The following RABGAP1L variants were observed in gnomAD, a reference collection of about 807,000 sequenced individuals.
The protein encoded by RABGAP1L is rab GTPase-activating protein 1-like.
A neutral mutation model predicts 137.7 loss-of-function variants in RABGAP1L; 63 were observed. The ratio of observed to expected loss-of-function variants is 0.46; its 90% CI spans 0.37 to 0.56. RABGAP1L has a LOEUF of 0.56. RABGAP1L is among the 20% of genes least tolerant of loss of function. RABGAP1L has a pLI of 0.00. For missense variants in RABGAP1L, 1,095 were observed against 1,244.0 expected, an observed-to-expected ratio of 0.88 and a Z score of 1.80; for synonymous variants, 431 against 433.7, an observed-to-expected ratio of 0.99 and a Z score of 0.08.
At chr1:174,371,463 G>A (rs1237162703) in intron 12 of RABGAP1L, among the ~76,000 whole-genome samples, 1 of 151,972 alleles carries the variant, frequency 6.6e-6, no homozygotes, top group Non-Finnish European at 1.5e-5. Context: ...AAAATGGGCT[G>A]TATAGTTTAG....
intron 19 of RABGAP1L, among the ~76,000 whole-genome samples, chr1:174,843,385 A>C (rs1479112805): frequency 3.4e-4 from 46 of 134,486 alleles, no homozygotes; most frequent in Admixed American, 6.2e-4. Context: ...CTCTCCCCCC[A>C]CCCCACAACA....
chr1:174,839,701 T>A (rs1422651603), intron 19 of RABGAP1L, among the ~76,000 whole-genome samples: 1 of 152,206 alleles, frequency 6.6e-6, no homozygotes, highest in Non-Finnish European at 1.5e-5. Flanking sequence ...AGATTTTGAG[T>A]TCCTGAAGCA....
chr1:174,300,983 A>T (rs975640765), intron 10 of RABGAP1L, among the ~76,000 whole-genome samples: 1 of 152,156 alleles, frequency 6.6e-6, no homozygotes, highest in Non-Finnish European at 1.5e-5. Context: ...CTGGTTGGTA[A>T]CACCCCTGTC....
intron 14 of RABGAP1L, among the ~76,000 whole-genome samples, chr1:174,657,532 A>C (rs11808301): frequency 1.2e-4 from 18 of 152,242 alleles, no homozygotes; most frequent in African/African-American, 4.3e-4. Context: ...TTTATTTAAC[A>C]TAATGTCCTC....
intron 13 of RABGAP1L, among the ~76,000 whole-genome samples, chr1:174,517,284 G>A (rs1481923041): frequency 2.0e-5 from 3 of 152,110 alleles, no homozygotes; most frequent in African/African-American, 7.2e-5. Context: ...GTTTTGTAGG[G>A]AGAAATTTAA....
In RABGAP1L at chr1:174,250,243, G is replaced by A. The variant is rs1339599587; in HGVS notation, c.718-232G>A. 2.0e-5 allele frequency among the ~76,000 whole-genome samples: 3 copies of A among 151,902 alleles called. No homozygotes were observed. The East Asian group carries it at 5.8e-4, about 29-fold the overall frequency. On this transcript the variant is annotated intron_variant, in intron 5 of 25. Transcript: ENST00000681986. ...GTTGTAATAATTTAGAGTTTGGATG[G>A]TCTACATTTACCATCTACAGTTGTT...
chr1:174,482,918 T>C (rs570287917), intron 13 of RABGAP1L, among the ~76,000 whole-genome samples: 3 of 152,180 alleles, frequency 2.0e-5, no homozygotes, highest in African/African-American at 7.2e-5. Flanking sequence ...AATGAAAAAA[T>C]AGAATTGATA....
At chr1:174,193,257 C>T (rs958733227) in intron 1 of RABGAP1L, among the ~76,000 whole-genome samples, 2 of 152,166 alleles carry the variant, frequency 1.3e-5, no homozygotes, top group Non-Finnish European at 2.9e-5. Flanking sequence ...CTTGGCTGAG[C>T]GCGGTGGCTC....
intron 11 of RABGAP1L, among the ~76,000 whole-genome samples, chr1:174,331,672 T>C (rs1681044370): frequency 6.6e-6 from 1 of 152,060 alleles, no homozygotes; most frequent in East Asian, 1.9e-4. Context: ...CTCTTTTTTT[T>C]CTTTTTATTT....
chr1:174,888,893 G>A (rs1655630051), intron 19 of RABGAP1L, among the ~76,000 whole-genome samples: 1 of 152,138 alleles, frequency 6.6e-6, no homozygotes, highest in African/African-American at 2.4e-5. Context: ...ATTGGGGGAA[G>A]ATGAAATCCC....
At chr1:174,688,719 A>G (rs1243753070) in intron 15 of RABGAP1L, among the ~76,000 whole-genome samples, 1 of 152,170 alleles carries the variant, frequency 6.6e-6, no homozygotes. Context: ...TGGCTAAATT[A>G]TGATATTCTT....
intron 16 of RABGAP1L, 45 bp from the exon 17 acceptor site, chr1:174,702,068 C>A: frequency 6.3e-7 from 1 of 1,576,212 alleles, no homozygotes; most frequent in East Asian, 2.3e-5. Flanking sequence ...CATTGTTCTG[C>A]TGCAAGCTTC....
chr1:174,201,260 A>ATT (rs746379130), intron 1 of RABGAP1L, among the ~76,000 whole-genome samples: 1,472 of 139,914 alleles, frequency 0.011, 28 homozygotes, highest in African/African-American at 0.037. Flanking sequence ...CAGTGTAGAA[A>ATT]TTTTTTTTTT....
intron 13 of RABGAP1L, among the ~76,000 whole-genome samples, chr1:174,618,004 C>A (rs530534150): frequency 2.7e-4 from 41 of 152,358 alleles, no homozygotes; most frequent in Middle Eastern, 3.4e-3. Flanking sequence ...TAGCCCGCGC[C>A]TGGCTTGGAG....
intron 13 of RABGAP1L, among the ~76,000 whole-genome samples, chr1:174,440,804 C>T (rs966929937): frequency 2.6e-5 from 4 of 152,172 alleles, no homozygotes; most frequent in African/African-American, 7.2e-5. Context: ...TTGATCTGCC[C>T]GCCTGGGCCT....
Position 174,992,401 on chromosome 1 carries a change from T to C in RABGAP1L, c.*2400T>C, listed in dbSNP as rs2149404357. ...GTTGCAGTGGGCCAAGATTACGGCA[T>C]TACATTCCATCCAGCCTGGGCGACA... On this transcript the variant is annotated 3_prime_UTR_variant, in exon 26 of 26. Transcript: ENST00000681986. 1 of 152,270 alleles carries C rather than the reference T, an allele frequency of 6.6e-6. No homozygotes were observed. The highest frequency in any genetic ancestry group is 3.4e-3 in the Middle Eastern group (1 of 296). 9.4% of individuals were successfully genotyped at this position (152,270 alleles called of 1,614,324 possible).
chr1:174,602,526 T>C (rs111332091), intron 13 of RABGAP1L, among the ~76,000 whole-genome samples: 1,817 of 152,280 alleles, frequency 0.012, 24 homozygotes, highest in Non-Finnish European at 0.016. Context: ...GCAATTCAAG[T>C]TGAGATTTGA....
chr1:174,491,381 T>A (rs572971293), intron 13 of RABGAP1L, among the ~76,000 whole-genome samples: 1 of 152,178 alleles, frequency 6.6e-6, no homozygotes, highest in Non-Finnish European at 1.5e-5. Flanking sequence ...AGCTAAGGCC[T>A]GAAATGGGGG....
chr1:174,505,491 G>C (rs1054792020), intron 13 of RABGAP1L, among the ~76,000 whole-genome samples: 6 of 148,876 alleles, frequency 4.0e-5, no homozygotes, highest in African/African-American at 1.5e-4. Context: ...TACAAAATGT[G>C]TTCTGAATTT....
Sources: gnomAD v4.1 joint callset for allele counts (sites outside exome capture counted in the v4.1 genomes callset) on GRCh38, gnomAD v4.1.1 for gene constraint, MANE v1.5 for transcripts, NCBI Gene and HGNC (gene_info 2026-07-23, HGNC 2026-07-21) for gene names.